Variants in PCBD2 observed in about 807,000 individuals in gnomAD.
PCBD2 encodes pterin-4-alpha-carbinolamine dehydratase 2.
In PCBD2, 12 loss-of-function variants were observed where a neutral mutation model predicts 16.4. The ratio of observed to expected loss-of-function variants is 0.73; its 90% confidence interval spans 0.47 to 1.19. PCBD2 has a LOEUF of 1.19. PCBD2 is among the 50% of genes most tolerant of loss of function. The pLI is 0.00. For synonymous variants in PCBD2, 58 were observed against 61.8 expected (o/e 0.94, Z 0.29); for missense variants, 138 against 156.8 (o/e 0.88, Z 0.64).
chr5:134,955,157 T>C (rs1467129793), intron 2 of PCBD2, among the ~76,000 whole-genome samples: 1 of 151,952 alleles, frequency 6.6e-6, no homozygotes, highest in Admixed American at 6.6e-5. Context: ...GATTGAAATA[T>C]TACAATTTAT....
At chr5:134,941,407 C>G (rs1478707353) in intron 2 of PCBD2, among the ~76,000 whole-genome samples, 2 of 152,148 alleles carry the variant, frequency 1.3e-5, no homozygotes, top group Non-Finnish European at 2.9e-5. Flanking sequence ...TTTTAAAAAA[C>G]TTTTTCATTT....
chr5:134,951,159 C>G (rs1415736636), intron 2 of PCBD2, among the ~76,000 whole-genome samples: 1 of 152,204 alleles, frequency 6.6e-6, no homozygotes, highest in East Asian at 1.9e-4. Flanking sequence ...CCAGTTCCCA[C>G]TCTCCACTCT....
chr5:134,932,227 G>A (rs1751106683), intron 2 of PCBD2, among the ~76,000 whole-genome samples: 1 of 152,016 alleles, frequency 6.6e-6, no homozygotes, highest in Non-Finnish European at 1.5e-5. Flanking sequence ...GCTTAGATTG[G>A]AGTGCAGCGA....
chr5:134,942,982 T>G (rs1751247111), intron 2 of PCBD2, among the ~76,000 whole-genome samples: 1 of 152,366 alleles, frequency 6.6e-6, no homozygotes, highest in African/African-American at 2.4e-5. Flanking sequence ...AATTTCCTTA[T>G]TGATGGACAT....
chr5:134,905,500 T>G (rs1322785472), intron 1 of PCBD2: 1 of 330,836 alleles, frequency 3.0e-6, no homozygotes, highest in Non-Finnish European at 5.5e-6. Flanking sequence ...ACGAATTTTG[T>G]TCAGCAACTA....
intron 3 of PCBD2, among the ~76,000 whole-genome samples, chr5:134,960,080 A>G (rs76875247): frequency 0.056 from 8,572 of 151,928 alleles, 487 homozygotes; most frequent in African/African-American, 0.15. Context: ...GGGTTTCACC[A>G]TGTTGGCCAG....
intron 2 of PCBD2, among the ~76,000 whole-genome samples, chr5:134,913,218 A>G (rs1301062213): frequency 6.6e-6 from 1 of 152,250 alleles, no homozygotes; most frequent in Non-Finnish European, 1.5e-5. Flanking sequence ...TAAACAATAA[A>G]CAGATGAATA....
chr5:134,948,674 G>A (rs1751326250), intron 2 of PCBD2, among the ~76,000 whole-genome samples: 1 of 151,012 alleles, frequency 6.6e-6, no homozygotes, highest in Non-Finnish European at 1.5e-5. Flanking sequence ...TTTTCAATTG[G>A]CTGTGTAGGC....
chr5:134,962,080 G>A lies in PCBD2; in HGVS notation c.*1399G>A, dbSNP rs530839232. ...CCAGCCAGTATAACAGTTTGTGTGTGTGTGTGTGTGTGTGTGTGTGTGTGT... is the reference window on the plus strand; with the variant it reads ...CCAGCCAGTATAACAGTTTGTGTGTATGTGTGTGTGTGTGTGTGTGTGTGT... On this transcript the variant is annotated 3_prime_UTR_variant, in exon 4 of 4. Coordinates refer to ENST00000254908, the MANE Select transcript of PCBD2 (RefSeq NM_032151.5). 6.7e-6 allele frequency among the ~76,000 whole-genome samples: 1 copy of A among 150,214 alleles called. No homozygotes were observed. The highest frequency in any genetic ancestry group is 1.5e-5 in the Non-Finnish European group (1 of 67,510).
intron 2 of PCBD2, chr5:134,927,085 C>T (rs1365175798): frequency 7.5e-6 from 3 of 398,324 alleles, no homozygotes; most frequent in Non-Finnish European, 1.3e-5. Flanking sequence ...AGTCCGTGGG[C>T]GACTATGAGA....
At chr5:134,933,177 GCTT>G (rs1751119014) in intron 2 of PCBD2, among the ~76,000 whole-genome samples, 2 of 152,136 alleles carry the variant, frequency 1.3e-5, no homozygotes, top group South Asian at 4.1e-4. Flanking sequence ...TTGGTCAGTT[GCTT>G]CTTTCATTTC....
chr5:134,934,285 T>A (rs929795079), intron 2 of PCBD2, among the ~76,000 whole-genome samples: 5 of 152,068 alleles, frequency 3.3e-5, no homozygotes, highest in African/African-American at 7.2e-5. Flanking sequence ...AAAAAAAAAA[T>A]TTCACTTGGT....
intron 2 of PCBD2, among the ~76,000 whole-genome samples, chr5:134,956,144 G>A (rs986650663): frequency 7.9e-5 from 12 of 152,130 alleles, no homozygotes; most frequent in Non-Finnish European, 1.3e-4. Flanking sequence ...TATTTTCCCC[G>A]GGGAAGAATT....
chr5:134,924,862 A>G lies in PCBD2; in HGVS notation c.216+14396A>G, dbSNP rs74497835. 2.1e-3 allele frequency: 805 copies of G among 390,792 alleles called. 1 individual carries two copies. The highest frequency in any genetic ancestry group is 4.2e-3 in the Admixed American group (93 of 22,388). 24.2% of individuals were successfully genotyped at this position (390,792 alleles called of 1,614,324 possible). Reference sequence around the variant, plus strand: ...GCCTAGATAAGGGACTGTGCGGTGTATGATACTAGGGTAAAATCCGAGTAT... The same window carrying G: ...GCCTAGATAAGGGACTGTGCGGTGTGTGATACTAGGGTAAAATCCGAGTAT... On this transcript the variant is annotated intron_variant, in intron 2 of 3. Transcript: ENST00000254908.
At chr5:134,960,382 C>T (rs1751461602) in intron 3 of PCBD2, among the ~76,000 whole-genome samples, 1 of 152,100 alleles carries the variant, frequency 6.6e-6, no homozygotes, top group Non-Finnish European at 1.5e-5. Flanking sequence ...GGCTGTTGAG[C>T]CAGGCCTAAT....
At chr5:134,926,419 G>T in intron 2 of PCBD2, 1 of 391,028 alleles carries the variant, frequency 2.6e-6, no homozygotes, top group South Asian at 1.4e-4. Context: ...GGGAATTAAG[G>T]AAGTTAGGGC....
intron 2 of PCBD2, among the ~76,000 whole-genome samples, chr5:134,952,609 G>T (rs1326674918): frequency 1.3e-5 from 2 of 152,036 alleles, no homozygotes; most frequent in East Asian, 3.9e-4. Context: ...TTCAAGACCA[G>T]GCTGGGCAAC....
At chr5:134,922,569 A>G (rs923475076) in intron 2 of PCBD2, among the ~76,000 whole-genome samples, 43 of 152,170 alleles carry the variant, frequency 2.8e-4, no homozygotes, top group Non-Finnish European at 5.0e-4. Context: ...CCTTATCCTC[A>G]CAGAGCATAC....
At chr5:134,914,951 G>A (rs1430335065) in intron 2 of PCBD2, among the ~76,000 whole-genome samples, 1 of 152,174 alleles carries the variant, frequency 6.6e-6, no homozygotes, top group Non-Finnish European at 1.5e-5. Flanking sequence ...GGGATTACAG[G>A]CATGAGCCAC....
Sources: gnomAD v4.1 joint callset for allele counts (sites outside exome capture counted in the v4.1 genomes callset) on GRCh38, gnomAD v4.1.1 for gene constraint, MANE v1.5 for transcripts, NCBI Gene and HGNC (gene_info 2026-07-23, HGNC 2026-07-21) for gene names.